The following LHFPL3 variants were observed in gnomAD, a reference collection of about 807,000 sequenced individuals.
LHFPL3 encodes the protein LHFPL tetraspan subfamily member 3 protein.
Under a neutral mutation model 19.3 loss-of-function variants are expected in LHFPL3, and 5 were observed. The ratio of observed to expected loss-of-function variants is 0.26; its 90% CI spans 0.14 to 0.54. The LOEUF (loss-of-function observed/expected upper bound fraction) is 0.54, where lower values mean the gene tolerates loss of function less well. LHFPL3 is among the 20% of genes least tolerant of loss of function. The pLI is 0.94. For synonymous variants in LHFPL3, 133 were observed against 126.2 expected (o/e 1.05, Z -0.36); for missense variants, 249 against 307.4 (o/e 0.81, Z 1.42).
intron 1 of LHFPL3, among the ~76,000 whole-genome samples, chr7:104,443,400 C>G (rs1792264916): frequency 6.6e-6 from 1 of 152,154 alleles, no homozygotes; most frequent in Non-Finnish European, 1.5e-5. Context: ...TCTGTATTCT[C>G]CTGTGAGCTC....
chr7:104,680,462 C>T (rs950583831), intron 1 of LHFPL3, among the ~76,000 whole-genome samples: 9 of 152,262 alleles, frequency 5.9e-5, no homozygotes, highest in African/African-American at 2.2e-4. Context: ...GTGACATGAG[C>T]AAGTGCTCTG....
chr7:104,706,567 T>C (rs1793193994), intron 1 of LHFPL3, among the ~76,000 whole-genome samples: 4 of 152,182 alleles, frequency 2.6e-5, no homozygotes, highest in Admixed American at 1.3e-4. Context: ...TCAGTAAAGA[T>C]TGCATCTCAA....
At chr7:104,774,517 C>T (rs115044232) in intron 2 of LHFPL3, among the ~76,000 whole-genome samples, 1,869 of 152,350 alleles carry the variant, frequency 0.012, 44 homozygotes, top group African/African-American at 0.041. Context: ...TTTGGCTATA[C>T]ACCTTCATTC....
rs1253777929 is a variant in LHFPL3, at chr7:104,354,093, A to G, written c.445+24869A>G. Among the ~76,000 whole-genome samples the G allele has an allele frequency of 5.9e-5, 9 of 151,990 alleles. No homozygotes were observed. In the East Asian group the frequency reaches 1.7e-3, roughly 29 times the overall value. ...ATCTCTCTTGTGTTCCTCCATTTTT[A>G]ATTTCAGTAAATGGTATTCTGCTAT... On this transcript the variant is annotated intron_variant, in intron 1 of 2. Coordinates refer to ENST00000424859, the MANE Select transcript of LHFPL3 (RefSeq NM_199000.3).
chr7:104,837,404 A>C (rs1022906304), intron 2 of LHFPL3, among the ~76,000 whole-genome samples: 1 of 152,202 alleles, frequency 6.6e-6, no homozygotes, highest in Admixed American at 6.5e-5. Context: ...GTGTAGCTTA[A>C]GTAGGTTTAT....
intron 2 of LHFPL3, among the ~76,000 whole-genome samples, chr7:104,825,922 G>A (rs1341773507): frequency 1.3e-5 from 2 of 151,752 alleles, no homozygotes; most frequent in African/African-American, 2.4e-5. Flanking sequence ...CTAATTCATT[G>A]CCCATACCTA....
chr7:104,359,426 C>T (rs527521891), intron 1 of LHFPL3, among the ~76,000 whole-genome samples: 5 of 152,288 alleles, frequency 3.3e-5, no homozygotes, highest in Admixed American at 1.3e-4. Flanking sequence ...CACTGAAAGA[C>T]ATATTTCAGA....
intron 2 of LHFPL3, among the ~76,000 whole-genome samples, chr7:104,745,018 C>T (rs1794013538): frequency 6.6e-6 from 1 of 152,176 alleles, no homozygotes; most frequent in Non-Finnish European, 1.5e-5. Flanking sequence ...GGTCTCTATA[C>T]CCAACAGCTT....
At chr7:104,773,906 G>A (rs935977099) in intron 2 of LHFPL3, among the ~76,000 whole-genome samples, 2 of 152,252 alleles carry the variant, frequency 1.3e-5, no homozygotes, top group East Asian at 3.8e-4. Context: ...CCAGAACTGT[G>A]AGACAATACA....
At chr7:104,537,230 T>TG (rs1286853103) in intron 1 of LHFPL3, among the ~76,000 whole-genome samples, 3 of 152,156 alleles carry the variant, frequency 2.0e-5, no homozygotes, top group Non-Finnish European at 2.9e-5. Flanking sequence ...AAAAGAGACT[T>TG]GGAGATGTGG....
intron 2 of LHFPL3, among the ~76,000 whole-genome samples, chr7:104,835,750 G>A (rs935001057): frequency 2.9e-5 from 4 of 140,224 alleles, no homozygotes; most frequent in Admixed American, 7.3e-5. Flanking sequence ...TGATCTACAC[G>A]TTAAATTATT....
At chr7:104,732,756 C>A (rs151097047) in intron 1 of LHFPL3, among the ~76,000 whole-genome samples, 2,813 of 152,154 alleles carry the variant, frequency 0.018, 59 homozygotes, top group Non-Finnish European at 0.026. Context: ...TTATTTCTTG[C>A]TTTCTGCTAG....
chr7:104,329,306 G>T (rs1049142767), intron 1 of LHFPL3, 82 bp downstream of exon 1: 8 of 1,480,146 alleles, frequency 5.4e-6, no homozygotes, highest in Non-Finnish European at 6.3e-6. Context: ...AGGGACGGGG[G>T]CTGTGCGCGC....
At chr7:104,719,693 A>G (rs1793451616) in intron 1 of LHFPL3, among the ~76,000 whole-genome samples, 1 of 152,192 alleles carries the variant, frequency 6.6e-6, no homozygotes, top group Admixed American at 6.5e-5. Flanking sequence ...GTAACATGTT[A>G]AGCAATGCCA....
At chr7:104,837,225 C>A (rs772233451) in intron 2 of LHFPL3, among the ~76,000 whole-genome samples, 1 of 152,202 alleles carries the variant, frequency 6.6e-6, no homozygotes, top group East Asian at 1.9e-4. Flanking sequence ...TGTCCATGTG[C>A]CATTACCCTG....
chr7:104,566,896 A>T (rs990215596), intron 1 of LHFPL3, among the ~76,000 whole-genome samples: 1 of 152,242 alleles, frequency 6.6e-6, no homozygotes, highest in African/African-American at 2.4e-5. Flanking sequence ...AGAAAATGTT[A>T]TAACCTGTCA....
At chr7:104,768,311 A>G (rs76594482) in intron 2 of LHFPL3, among the ~76,000 whole-genome samples, 5,665 of 152,234 alleles carry the variant, frequency 0.037, 350 homozygotes, top group African/African-American at 0.13. Context: ...TTCTTGCCTC[A>G]GTAAGAAAAA....
chr7:104,674,133 G>T (rs890618250), intron 1 of LHFPL3, among the ~76,000 whole-genome samples: 7 of 148,312 alleles, frequency 4.7e-5, no homozygotes, highest in Non-Finnish European at 7.4e-5. Flanking sequence ...GAAAAACTCA[G>T]AATACATGTT....
chr7:104,543,650 A>C (rs1189837989), intron 1 of LHFPL3, among the ~76,000 whole-genome samples: 3 of 151,272 alleles, frequency 2.0e-5, no homozygotes, highest in African/African-American at 4.9e-5. Context: ...CATTCTCAGC[A>C]AACTATCGCA....
Sources: allele counts gnomAD v4.1 joint callset (sites outside exome capture counted in the v4.1 genomes callset), GRCh38; gene constraint gnomAD v4.1.1; transcripts MANE v1.5; gene names NCBI Gene and HGNC (gene_info 2026-07-23, HGNC 2026-07-21).